PATJ: variants seen among roughly 807,000 people sequenced by gnomAD.
PATJ encodes the protein PATJ crumbs cell polarity complex component.
PATJ carries 190 observed loss-of-function variants against 224.9 expected under a neutral mutation model. The observed-to-expected ratio is 0.84, with a 90% CI of 0.75 to 0.95. The LOEUF (loss-of-function observed/expected upper bound fraction) is 0.95. Among genes scored for constraint, PATJ ranks in the 40% least tolerant of loss-of-function variants. The probability of loss-of-function intolerance (pLI) is 0.00; values close to 1 mark genes in which losing one functional copy is unlikely to be tolerated. For synonymous variants in PATJ, 769 were observed against 820.3 expected, an observed-to-expected ratio of 0.94 and a Z score of 1.07; for missense variants, 2,121 against 2,270.3, an observed-to-expected ratio of 0.93 and a Z score of 1.34.
chr1:61,745,504 C>G (rs1326363841), intron 1 of PATJ, among the ~76,000 whole-genome samples: 3 of 152,010 alleles, frequency 2.0e-5, no homozygotes, highest in African/African-American at 7.3e-5. Flanking sequence ...GAACTCCTGA[C>G]CTCAAGTGAT....
At chr1:62,015,706 TTTTTTGTTTTTG>T (rs573904576) in intron 28 of PATJ, among the ~76,000 whole-genome samples, 17 of 151,864 alleles carry the variant, frequency 1.1e-4, no homozygotes, top group African/African-American at 2.4e-4. Flanking sequence ...CTAATTTTTG[TTTTTTGTTTTTG>T]TTTTTGTTTT....
chr1:62,158,822 G>A (rs375123605), intron 43 of PATJ, among the ~76,000 whole-genome samples: 2 of 151,110 alleles, frequency 1.3e-5, no homozygotes, highest in Non-Finnish European at 2.9e-5. Flanking sequence ...GGTGGCAGAC[G>A]CCTGTAATAC....
Position 62,084,610 on chromosome 1 carries a change from C to A in PATJ, c.4339C>A (p.Leu1447Ile). The change falls in exon 33 of 44, where the codon CTT (leucine) becomes ATT (isoleucine). Residue 1447 changes from leucine to isoleucine, a missense_variant. By Grantham distance (5) the Leu-to-Ile change is conservative (BLOSUM62 2). Transcript: ENST00000642238. ...AGAAATATCCAAGGGACGTTCAGGGCTTGGTCTCAGCATTGTGGGAGGAAA... is the reference window on the plus strand; with the variant it reads ...AGAAATATCCAAGGGACGTTCAGGGATTGGTCTCAGCATTGTGGGAGGAAA... ...IIEISKGRSG[L>I]GLSIVGGKDT... 1 of 1,613,232 alleles carries A rather than the reference C, an allele frequency of 6.2e-7. No homozygotes were observed. The highest frequency in any genetic ancestry group is 8.5e-7 in the Non-Finnish European group (1 of 1,179,682).
chr1:61,885,855 T>G (rs1468816945), intron 22 of PATJ, among the ~76,000 whole-genome samples: 3 of 151,862 alleles, frequency 2.0e-5, no homozygotes, highest in African/African-American at 4.8e-5. Context: ...CCATAAAAAA[T>G]GATGAGTTCA....
chr1:61,790,615 G>T (rs1000297722), intron 8 of PATJ, among the ~76,000 whole-genome samples: 4 of 148,580 alleles, frequency 2.7e-5, no homozygotes, highest in South Asian at 2.2e-4. Context: ...CTGGGTTCAA[G>T]CGATTCTCCT....
chr1:62,069,372 G>A (rs968580163), intron 31 of PATJ, among the ~76,000 whole-genome samples: 11 of 151,002 alleles, frequency 7.3e-5, no homozygotes, highest in Non-Finnish European at 1.5e-4. Flanking sequence ...TATTATAAGA[G>A]CAATAATTAT....
intron 6 of PATJ, among the ~76,000 whole-genome samples, chr1:61,772,129 T>TTTTTG (rs1646654036): frequency 6.6e-6 from 1 of 151,512 alleles, no homozygotes; most frequent in Non-Finnish European, 1.5e-5. Context: ...TTTTTGTCTT[T>TTTTTG]TCAATGTCCT....
At position 61,756,563 on chromosome 1, in the gene PATJ, CTTTTTTTTTTTTT is replaced by C. The variant is rs370667808; in HGVS notation, c.-35-6282_-35-6270del. Among the ~76,000 whole-genome samples, 9 of 65,624 alleles carry C rather than the reference CTTTTTTTTTTTTT, an allele frequency of 1.4e-4. 1 individual carries two copies. The highest frequency in any genetic ancestry group is 2.2e-4 in the Non-Finnish European group (8 of 37,124). The allele number at this position is 65,624 out of a possible 152,430, so 43.1% of individuals were successfully genotyped here. A position where few individuals can be genotyped will look rare whatever the true frequency, so the allele number is the denominator to read the frequency against. The stretch of plus-strand genomic sequence containing the variant: ...CTTATATATTGCTAAAACCAGGACA[CTTTTTTTTTTTTT>C]TTTTTTTTTTTTGGTTCTGGGAGAC... On this transcript the variant is annotated intron_variant, in intron 1 of 43. Coordinates refer to ENST00000642238, the MANE Select transcript of PATJ (RefSeq NM_001350145.3).
At chr1:61,758,435 G>A (rs770839642) in intron 1 of PATJ, among the ~76,000 whole-genome samples, 45 of 151,728 alleles carry the variant, frequency 3.0e-4, no homozygotes, top group East Asian at 5.9e-4. Flanking sequence ...TGCAACCTCC[G>A]CCTCCTGGGT....
intron 27 of PATJ, among the ~76,000 whole-genome samples, chr1:61,989,538 C>G (rs568510902): frequency 6.6e-6 from 1 of 152,116 alleles, no homozygotes; most frequent in East Asian, 1.9e-4. Context: ...CCTACTGGAC[C>G]GTAAGTCCTA....
chr1:62,159,711 G>A (rs72677989), intron 43 of PATJ, among the ~76,000 whole-genome samples: 5,075 of 151,730 alleles, frequency 0.033, 108 homozygotes, highest in Non-Finnish European at 0.046. Flanking sequence ...AAGCCACCAC[G>A]CCTGGCTAAT....
chr1:62,090,178 G>A (rs1258725195), intron 33 of PATJ, among the ~76,000 whole-genome samples: 3 of 152,142 alleles, frequency 2.0e-5, no homozygotes, highest in African/African-American at 7.2e-5. Flanking sequence ...GTAATGATGA[G>A]GGTGAACCTC....
chr1:61,817,524 C>T (rs1656367062), intron 14 of PATJ, among the ~76,000 whole-genome samples: 1 of 152,102 alleles, frequency 6.6e-6, no homozygotes, highest in Non-Finnish European at 1.5e-5. Flanking sequence ...ATTAGCTGGG[C>T]ATGGTGGTGT....
intron 30 of PATJ, among the ~76,000 whole-genome samples, chr1:62,044,847 G>T (rs1652221835): frequency 6.6e-6 from 1 of 152,290 alleles, no homozygotes; most frequent in Middle Eastern, 3.4e-3. Flanking sequence ...TTTGCAGAGG[G>T]AAATATTTGT....
intron 27 of PATJ, among the ~76,000 whole-genome samples, chr1:61,930,423 G>A (rs1461751949): frequency 2.6e-5 from 4 of 152,142 alleles, no homozygotes; most frequent in South Asian, 2.1e-4. Flanking sequence ...ATTCTTGTCC[G>A]AAGACTAAGC....
chr1:62,036,540 G>T (rs1318313580), intron 29 of PATJ, among the ~76,000 whole-genome samples: 1 of 151,960 alleles, frequency 6.6e-6, no homozygotes, highest in African/African-American at 2.4e-5. Flanking sequence ...GTAACAGTTG[G>T]GTACACAGGT....
At chr1:62,119,396 G>A (rs1362286806) in intron 37 of PATJ, among the ~76,000 whole-genome samples, 1 of 152,140 alleles carries the variant, frequency 6.6e-6, no homozygotes, top group Non-Finnish European at 1.5e-5. Context: ...ATTTCCTTCT[G>A]AGCAGTTACA....
In PATJ at chr1:61,864,451, T is replaced by A; in HGVS notation, c.2653T>A (p.Ser885Thr). The A allele has an allele frequency of 6.2e-7, 1 of 1,613,952 alleles. No individual in the cohort carries two copies. The highest frequency in any genetic ancestry group is 8.5e-7 in the Non-Finnish European group (1 of 1,179,810). ...EYELYQDPSP[S>T]MELYPLSHIQ... Reference sequence around the variant, plus strand: ...TGAGTTATATCAAGATCCCTCACCATCCATGGAGTTGTATCCCTTGTCGCA... The same window carrying A: ...TGAGTTATATCAAGATCCCTCACCAACCATGGAGTTGTATCCCTTGTCGCA... The change falls in exon 20 of 44, where the codon TCC (serine) becomes ACC (threonine). Residue 885 changes from serine (S) to threonine (T), a missense_variant. Physicochemically the swap from Ser to Thr is moderately conservative, Grantham distance 58 (BLOSUM62 1). Coordinates refer to ENST00000642238, the MANE Select transcript of PATJ (RefSeq NM_001350145.3).
intron 31 of PATJ, among the ~76,000 whole-genome samples, chr1:62,077,735 C>CA (rs1477515882): frequency 4.8e-5 from 7 of 144,882 alleles, no homozygotes; most frequent in East Asian, 4.0e-4. Flanking sequence ...CAGGAAAAAA[C>CA]AAAAAAACTC....
Sources: allele counts gnomAD v4.1 joint callset (sites outside exome capture counted in the v4.1 genomes callset), GRCh38; gene constraint gnomAD v4.1.1; transcripts MANE v1.5; gene names NCBI Gene and HGNC (gene_info 2026-07-23, HGNC 2026-07-21).